The following NRG1 variants were observed in gnomAD, a reference collection of about 807,000 sequenced individuals.
NRG1 encodes neuregulin 1, also known as pro-neuregulin-1, membrane-bound isoform.
Under a neutral mutation model 63.8 loss-of-function variants are expected in NRG1, and 18 were observed. The ratio of observed to expected loss-of-function variants is 0.28; its 90% CI spans 0.19 to 0.42. NRG1 has a LOEUF of 0.42. Ranked by LOEUF, NRG1 falls within the 10% of genes least tolerant of loss-of-function variation. The pLI is 1.00. For synonymous variants in NRG1, 302 were observed against 301.3 expected (o/e 1.00, Z -0.02); for missense variants, 762 against 814.7 (o/e 0.94, Z 0.79).
intron 1 of NRG1, among the ~76,000 whole-genome samples, chr8:31,744,561 A>G (rs1296700154): frequency 6.6e-6 from 1 of 151,780 alleles, no homozygotes; most frequent in East Asian, 1.9e-4. Context: ...TGGATTTATT[A>G]CTGTTTTTGG....
intron 1 of NRG1, among the ~76,000 whole-genome samples, chr8:32,475,390 G>A (rs921631472): frequency 4.0e-5 from 6 of 149,950 alleles, no homozygotes; most frequent in Admixed American, 2.0e-4. Flanking sequence ...ACTTGAAGCC[G>A]GGAGGTGGAG....
At chr8:32,316,912 G>T (rs562920779) in intron 1 of NRG1, among the ~76,000 whole-genome samples, 1 of 152,228 alleles carries the variant, frequency 6.6e-6, no homozygotes, top group South Asian at 2.1e-4. Context: ...GGTGGAATAG[G>T]TACTTTCAGA....
At chr8:32,193,997 C>T (rs745437702) in intron 1 of NRG1, among the ~76,000 whole-genome samples, 1 of 152,238 alleles carries the variant, frequency 6.6e-6, no homozygotes, top group African/African-American at 2.4e-5. Flanking sequence ...GTAAGACAAC[C>T]ATGTCTGTGG....
At chr8:32,702,517 C>T (rs775991043) in intron 5 of NRG1, among the ~76,000 whole-genome samples, 5 of 152,144 alleles carry the variant, frequency 3.3e-5, no homozygotes, top group East Asian at 1.9e-4. Flanking sequence ...GGAGGAGTCT[C>T]GCCTTGTGGC....
chr8:32,604,524 T>C (rs1333363599), intron 2 of NRG1, among the ~76,000 whole-genome samples: 1 of 152,122 alleles, frequency 6.6e-6, no homozygotes, highest in African/African-American at 2.4e-5. Flanking sequence ...AAGAGCCCAA[T>C]AAATCACAGT....
chr8:31,978,839 A>G (rs1808614867), intron 1 of NRG1, among the ~76,000 whole-genome samples: 1 of 152,198 alleles, frequency 6.6e-6, no homozygotes, highest in Admixed American at 6.5e-5. Flanking sequence ...TATGAGAATC[A>G]TAATTAATCA....
Position 32,633,533 on chromosome 8 carries a change from A to C in NRG1, c.502+16648A>C, listed in dbSNP as rs891984199. Among the ~76,000 whole-genome samples, 5 of 152,220 alleles carry C rather than the reference A, an allele frequency of 3.3e-5. No individual in the cohort carries two copies. The South Asian group carries it at 1.0e-3, about 31-fold the overall frequency. Reference sequence around the variant, plus strand: ...GAGTGAAGGAAAATTTCAGATACTTAGACATGCATATACAATAAACAGTGT... The same window carrying C: ...GAGTGAAGGAAAATTTCAGATACTTCGACATGCATATACAATAAACAGTGT... On this transcript the variant is annotated intron_variant, in intron 5 of 11. Transcript: ENST00000356819.
intron 1 of NRG1, among the ~76,000 whole-genome samples, chr8:31,668,724 A>G (rs1246695214): frequency 2.0e-5 from 3 of 152,192 alleles, no homozygotes; most frequent in African/African-American, 7.2e-5. Flanking sequence ...GGTATTGTGA[A>G]AAGTATGTTT....
intron 1 of NRG1, among the ~76,000 whole-genome samples, chr8:31,802,109 TTCACAG>T (rs1821847874): frequency 3.3e-5 from 5 of 152,376 alleles, no homozygotes; most frequent in African/African-American, 1.2e-4. Context: ...AAATTTGTGC[TTCACAG>T]GGCATTGGGT....
At chr8:31,797,341 T>A (rs1485175229) in intron 1 of NRG1, among the ~76,000 whole-genome samples, 1 of 152,222 alleles carries the variant, frequency 6.6e-6, no homozygotes, top group Non-Finnish European at 1.5e-5. Flanking sequence ...TCTTGTTCCT[T>A]AAGGCAGTGA....
chr8:32,578,436 G>A (rs1157628285), intron 1 of NRG1, among the ~76,000 whole-genome samples: 4 of 151,420 alleles, frequency 2.6e-5, no homozygotes, highest in South Asian at 2.1e-4. Flanking sequence ...ATTAACACAC[G>A]CTGGCAGAAC....
At chr8:32,603,482 C>A (rs1160839332) in intron 2 of NRG1, among the ~76,000 whole-genome samples, 1 of 152,016 alleles carries the variant, frequency 6.6e-6, no homozygotes, top group Non-Finnish European at 1.5e-5. Context: ...GTTAACTTTT[C>A]TTTTTCTTTT....
chr8:31,658,654 G>C (rs750494256), intron 1 of NRG1, among the ~76,000 whole-genome samples: 2 of 152,144 alleles, frequency 1.3e-5, no homozygotes, highest in East Asian at 1.9e-4. Context: ...GTAGAGACAG[G>C]GTTTCACTGT....
At chr8:32,315,020 C>A (rs1339317301) in intron 1 of NRG1, among the ~76,000 whole-genome samples, 2 of 147,644 alleles carry the variant, frequency 1.4e-5, no homozygotes, top group Admixed American at 7.0e-5. Flanking sequence ...TGCCTGCAGA[C>A]CCTCATCTAA....
At chr8:32,685,523 A>T (rs7823899) in intron 5 of NRG1, among the ~76,000 whole-genome samples, 76,927 of 151,980 alleles carry the variant, frequency 0.51, 19,544 homozygotes, top group Middle Eastern at 0.56. Flanking sequence ...TAAGATTTTG[A>T]CTCCCTCATC....
intron 1 of NRG1, among the ~76,000 whole-genome samples, chr8:32,296,821 A>T (rs566942147): frequency 6.6e-6 from 1 of 152,266 alleles, no homozygotes; most frequent in Non-Finnish European, 1.5e-5. Context: ...TCATATTTTT[A>T]AAACATATTT....
At chr8:31,772,455 G>C (rs1057505791) in intron 1 of NRG1, among the ~76,000 whole-genome samples, 2 of 152,136 alleles carry the variant, frequency 1.3e-5, no homozygotes, top group African/African-American at 4.8e-5. Flanking sequence ...TTAAACCCAG[G>C]CTTATTTTCC....
At chr8:31,821,037 C>T (rs1273780118) in intron 1 of NRG1, among the ~76,000 whole-genome samples, 1 of 152,156 alleles carries the variant, frequency 6.6e-6, no homozygotes, top group African/African-American at 2.4e-5. Flanking sequence ...AGCCCACTTT[C>T]CTGTATACTT....
intron 1 of NRG1, among the ~76,000 whole-genome samples, chr8:32,403,490 A>G (rs1200848452): frequency 6.6e-6 from 1 of 152,154 alleles, no homozygotes; most frequent in African/African-American, 2.4e-5. Context: ...CTAGTTGCAC[A>G]GTCTTATAGA....
Sources: gnomAD v4.1 joint callset for allele counts (sites outside exome capture counted in the v4.1 genomes callset) on GRCh38, gnomAD v4.1.1 for gene constraint, MANE v1.5 for transcripts, NCBI Gene and HGNC (gene_info 2026-07-23, HGNC 2026-07-21) for gene names.